The following ZC3H18 variants were observed in gnomAD, a reference collection of about 807,000 sequenced individuals.
ZC3H18 encodes the protein zinc finger CCCH-type containing 18.
In ZC3H18, 8 loss-of-function variants were observed where a neutral mutation model predicts 106.1. The ratio of observed to expected loss-of-function variants is 0.08; its 90% confidence interval spans 0.04 to 0.14. The LOEUF is 0.14. Ranked by LOEUF, ZC3H18 falls within the 10% of genes least tolerant of loss-of-function variation. The pLI is 1.00. For missense variants in ZC3H18, 1,318 were observed against 1,278.4 expected (o/e 1.03, Z -0.47); for synonymous variants, 635 against 522.1 (o/e 1.22, Z -2.95).
intron 8 of ZC3H18, among the ~76,000 whole-genome samples, chr16:88,611,847 C>A (rs1045467839): frequency 2.0e-5 from 3 of 152,188 alleles, no homozygotes; most frequent in African/African-American, 7.2e-5. Flanking sequence ...TAGGCGCTGC[C>A]CTTGTATACC....
At chr16:88,584,880 A>G (rs563817546) in intron 2 of ZC3H18, among the ~76,000 whole-genome samples, 1 of 151,978 alleles carries the variant, frequency 6.6e-6, no homozygotes, top group Non-Finnish European at 1.5e-5. Flanking sequence ...CCTTCTCACC[A>G]CCTCATCTCC....
chr16:88,623,728 T>A (rs996807908), intron 10 of ZC3H18: 1 of 699,868 alleles, frequency 1.4e-6, no homozygotes, highest in Non-Finnish European at 2.2e-6. Context: ...AACGTGACAC[T>A]CGCCTCCCGG....
At chr16:88,605,434 A>G (rs1417832815) in intron 6 of ZC3H18, among the ~76,000 whole-genome samples, 2 of 152,228 alleles carry the variant, frequency 1.3e-5, no homozygotes, top group Non-Finnish European at 1.5e-5. Flanking sequence ...GGTGAGGGCA[A>G]GAGGCAGCAG....
chr16:88,607,520 C>T lies in ZC3H18; in HGVS notation c.1089-1414C>T, dbSNP rs563267106. ...GCTCTCCCAGTGCAAGAGGCGTCTC[C>T]CCATTATTCATGCACGCTTTGTGTC... On this transcript the variant is annotated intron_variant, in intron 6 of 17. Coordinates refer to ENST00000301011, the MANE Select transcript of ZC3H18 (RefSeq NM_144604.4). 2.6e-4 allele frequency among the ~76,000 whole-genome samples: 39 copies of T among 152,334 alleles called. 1 individual carries two copies. In the South Asian group the frequency reaches 7.5e-3, roughly 29 times the overall value.
At chr16:88,593,499 C>G (rs1904307575) in intron 3 of ZC3H18, among the ~76,000 whole-genome samples, 1 of 152,238 alleles carries the variant, frequency 6.6e-6, no homozygotes, top group African/African-American at 2.4e-5. Flanking sequence ...TTAGTATTTT[C>G]AGACGCAGGT....
At chr16:88,581,917 T>A (rs1349261123) in intron 2 of ZC3H18, among the ~76,000 whole-genome samples, 1 of 152,222 alleles carries the variant, frequency 6.6e-6, no homozygotes, top group African/African-American at 2.4e-5. Context: ...TTTTGCTCAC[T>A]CCATGTTCCG....
At chr16:88,575,118 C>T (rs189289500) in intron 1 of ZC3H18, among the ~76,000 whole-genome samples, 6 of 151,808 alleles carry the variant, frequency 4.0e-5, no homozygotes, top group South Asian at 4.2e-4. Flanking sequence ...CGTGAGCCAC[C>T]GTGCCCGGCC....
chr16:88,625,676 G>A lies in ZC3H18; in HGVS notation c.2108+409G>A, dbSNP rs190125392. The A allele has an allele frequency of 3.0e-3, 614 of 205,570 alleles. 4 individuals are homozygous for A. Among genetic ancestry groups the A allele is most frequent in the African/African-American group, 0.012 (515 of 42,830 alleles). The allele number at this position is 205,570 out of a possible 1,614,324, so 12.7% of individuals were successfully genotyped here. On this transcript the variant is annotated intron_variant, in intron 13 of 17. Transcript: ENST00000301011. ...ACCGGCCTGAGGGGGTGGGGAAGCC[G>A]ATAAAAACATCTGAGAAGAGAATAC... is the stretch of plus-strand genomic sequence containing the variant.
intron 11 of ZC3H18, 65 bp from the exon 12 acceptor site, chr16:88,624,537 G>A (rs1421839212): frequency 1.1e-5 from 18 of 1,610,484 alleles, no homozygotes; most frequent in Non-Finnish European, 1.4e-5. Flanking sequence ...TCCATTGAAA[G>A]GGGATGTAGG....
chr16:88,630,953 T>C, intron 17 of ZC3H18, 148 bp from the exon 18 acceptor site: 1 of 979,484 alleles, frequency 1.0e-6, no homozygotes, highest in Middle Eastern at 3.2e-4. Context: ...GGCCTGCTTG[T>C]GGCAGTGGGA....
chr16:88,625,526 C>T (rs144086876), intron 13 of ZC3H18: 2 of 511,430 alleles, frequency 3.9e-6, no homozygotes, highest in Non-Finnish European at 7.1e-6. Flanking sequence ...GGAGGAGGTG[C>T]CTCTGCCCTG....
chr16:88,617,375 G>A (rs1905683915), intron 8 of ZC3H18, among the ~76,000 whole-genome samples: 1 of 152,224 alleles, frequency 6.6e-6, no homozygotes, highest in Non-Finnish European at 1.5e-5. Context: ...CACCTGGGCT[G>A]TTTTAAAATG....
At position 88,588,567 on chromosome 16, in the gene ZC3H18, G is replaced by T. The variant is rs184614263; in HGVS notation, c.688+1883G>T. Among the ~76,000 whole-genome samples the T allele has an allele frequency of 2.0e-5, 3 of 152,306 alleles. No individual in the cohort carries two copies. In the East Asian group the frequency reaches 5.8e-4, roughly 29 times the overall value. On this transcript the variant is annotated intron_variant, in intron 3 of 17. Transcript: ENST00000301011. ...AGGATCCTGTCTCCTTGCACATCAC[G>T]TGGGTTGGTCAGAATTGGAAGGTGG...
At chr16:88,628,326 C>T (rs770056706) in intron 15 of ZC3H18, among the ~76,000 whole-genome samples, 1 of 152,186 alleles carries the variant, frequency 6.6e-6, no homozygotes, top group Non-Finnish European at 1.5e-5. Context: ...TTGGGTGCTG[C>T]TGGCCTCTCT....
At chr16:88,580,352 G>A (rs564673859) in intron 2 of ZC3H18, among the ~76,000 whole-genome samples, 39 of 152,240 alleles carry the variant, frequency 2.6e-4, no homozygotes, top group African/African-American at 8.4e-4. Context: ...CTACTTGCCC[G>A]GGGCACATTG....
intron 3 of ZC3H18, among the ~76,000 whole-genome samples, chr16:88,591,439 G>A (rs1188754083): frequency 6.6e-6 from 1 of 152,192 alleles, no homozygotes; most frequent in Non-Finnish European, 1.5e-5. Flanking sequence ...GGGGGTGGTA[G>A]AGCACACCTC....
In ZC3H18 at chr16:88,596,286, T is replaced by G. The variant is rs1904434946; in HGVS notation, c.689-1892T>G. Among the ~76,000 whole-genome samples the G allele has an allele frequency of 1.3e-5, 2 of 152,176 alleles. 1 individual carries two copies. Among genetic ancestry groups the G allele is most frequent in the South Asian group, 4.1e-4 (2 of 4,832 alleles). On this transcript the variant is annotated intron_variant, in intron 3 of 17. Transcript: ENST00000301011. ...TTCGTAGGTGATGTCCTAAAAATTT[T>G]CATAAATACAGAAAAGAACGATAAC...
rs372365222 is a variant in ZC3H18 at position 88,628,281 on chromosome 16, G to A, written c.2469+162G>A. 5.3e-5 allele frequency among the ~76,000 whole-genome samples: 8 copies of A among 152,318 alleles called. No individual in the cohort carries two copies. The East Asian group carries it at 1.4e-3, about 26-fold the overall frequency. On this transcript the variant is annotated intron_variant, in intron 15 of 17. Transcript: ENST00000301011. ...TAACAAAGCGAGACTCCATCTTTCC[G>A]GCCTGGGCTGGGAAGTGTGAGCATC...
At chr16:88,615,263 A>C (rs1905525556) in intron 8 of ZC3H18, among the ~76,000 whole-genome samples, 1 of 146,476 alleles carries the variant, frequency 6.8e-6, no homozygotes, top group African/African-American at 2.6e-5. Context: ...GGCTGCCTCT[A>C]CCTCCTCCAG....
Sources: allele counts gnomAD v4.1 joint callset (sites outside exome capture counted in the v4.1 genomes callset), GRCh38; gene constraint gnomAD v4.1.1; transcripts MANE v1.5; gene names NCBI Gene and HGNC (gene_info 2026-07-23, HGNC 2026-07-21).